PCDHA4: variants seen among roughly 807,000 people sequenced by gnomAD.
The protein encoded by PCDHA4 is protocadherin alpha 4.
PCDHA4 carries 49 observed loss-of-function variants against 61.4 expected under a neutral mutation model. That is an observed-to-expected ratio of 0.80 (90% CI 0.63 to 1.01). The LOEUF is 1.01. PCDHA4 is among the 50% of genes least tolerant of loss of function. The pLI, the probability that PCDHA4 is intolerant of heterozygous loss-of-function variation, is 0.00. For missense variants in PCDHA4, 1,254 were observed against 1,235.8 expected (o/e 1.01, Z -0.22); for synonymous variants, 590 against 550.3 (o/e 1.07, Z -1.01).
intron 1 of PCDHA4, among the ~76,000 whole-genome samples, chr5:140,888,197 C>G (rs190439070): frequency 4.6e-5 from 7 of 152,044 alleles, no homozygotes; most frequent in Non-Finnish European, 8.8e-5. Flanking sequence ...TTTACATTGT[C>G]GGATGCTGGA....
chr5:140,871,719 T>G (rs1228976923), intron 1 of PCDHA4: 1 of 783,446 alleles, frequency 1.3e-6, no homozygotes, highest in East Asian at 2.9e-5. Flanking sequence ...CCTATTTCTC[T>G]TAATATTTGG....
At chr5:140,821,800 C>A (rs2150110743) in intron 1 of PCDHA4, 25 of 1,613,116 alleles carry the variant, frequency 1.5e-5, no homozygotes, top group Non-Finnish European at 1.7e-5. Context: ...GAGAGGAAGT[C>A]TGGGATCCCG....
chr5:140,882,049 T>C, intron 1 of PCDHA4: 1 of 752,814 alleles, frequency 1.3e-6, no homozygotes, highest in Non-Finnish European at 2.1e-6. Flanking sequence ...TGAGTCATAC[T>C]TACACTTACA....
chr5:140,933,567 A>G lies in PCDHA4; in HGVS notation c.2386-45382A>G, dbSNP rs146986632. ...AATATAAAATAAAAACCAATTAAGA[A>G]GTCTTAATAGTGGGTTTTTAGGTTG... On this transcript the variant is annotated intron_variant, in intron 1 of 3. Coordinates refer to ENST00000530339, the MANE Select transcript of PCDHA4 (RefSeq NM_018907.4). Among the ~76,000 whole-genome samples the G allele has an allele frequency of 5.4e-3, 827 of 152,184 alleles. 4 individuals are homozygous for G. Among genetic ancestry groups the G allele is most frequent in the African/African-American group, 0.019 (796 of 41,566 alleles).
chr5:140,822,480 T>C, intron 1 of PCDHA4: 1 of 1,613,872 alleles, frequency 6.2e-7, no homozygotes, highest in African/African-American at 1.3e-5. Context: ...TGGATGCTAA[T>C]GATAACGCCC....
At chr5:140,876,653 C>G in intron 1 of PCDHA4, 1 of 1,614,200 alleles carries the variant, frequency 6.2e-7, no homozygotes, top group Non-Finnish European at 8.5e-7. Flanking sequence ...CCTCATGTTC[C>G]CTTCAAGCTG....
At position 140,941,191 on chromosome 5, in the gene PCDHA4, TTTTCTTTCTTCC is replaced by T. The variant is rs1293685535; in HGVS notation, c.2386-37735_2386-37724del. 2.6e-3 allele frequency among the ~76,000 whole-genome samples: 239 copies of T among 93,120 alleles called. 3 individuals are homozygous for T. Among genetic ancestry groups the T allele is most frequent in the East Asian group, 5.8e-3 (18 of 3,094 alleles). The allele number at this position is 93,120 out of a possible 152,430, so 61.1% of individuals were successfully genotyped here. ...CATCTTGAACATCCTGCTTCTTTTT[TTTTCTTTCTTCC>T]TTTCTTTCTTCCTTTCTTTCTTTCT... is the stretch of plus-strand genomic sequence containing the variant. On this transcript the variant is annotated intron_variant, in intron 1 of 3. Transcript: ENST00000530339.
intron 1 of PCDHA4, chr5:140,868,981 G>A: frequency 2.0e-6 from 3 of 1,492,274 alleles, no homozygotes; most frequent in South Asian, 2.8e-5. Flanking sequence ...CATCATACCG[G>A]ATGCCACCGT....
intron 1 of PCDHA4, among the ~76,000 whole-genome samples, chr5:140,950,689 A>G (rs1585383013): frequency 2.6e-5 from 4 of 152,212 alleles, no homozygotes; most frequent in Admixed American, 2.6e-4. Flanking sequence ...ATTGTTAACC[A>G]AATTTGACAA....
At chr5:140,882,944 G>A (rs2059374287) in intron 1 of PCDHA4, 2 of 1,614,088 alleles carry the variant, frequency 1.2e-6, no homozygotes, top group Non-Finnish European at 8.5e-7. Flanking sequence ...GACTGGCACA[G>A]TTCAGCTGCT....
At chr5:140,922,316 A>G (rs983729529) in intron 1 of PCDHA4, among the ~76,000 whole-genome samples, 5 of 152,248 alleles carry the variant, frequency 3.3e-5, no homozygotes, top group Middle Eastern at 3.2e-3. Context: ...TTCACTGAAG[A>G]TCTTGGAAAG....
chr5:140,958,997 A>C (rs1356032687), intron 1 of PCDHA4, among the ~76,000 whole-genome samples: 1 of 152,076 alleles, frequency 6.6e-6, no homozygotes, highest in African/African-American at 2.4e-5. Context: ...CTAATCTTTT[A>C]CTGTACCTAA....
At position 140,997,506 on chromosome 5, in the gene PCDHA4, T is replaced by A. The variant is rs147089901; in HGVS notation, c.2534-12121T>A. On this transcript the variant is annotated intron_variant, in intron 3 of 3. Coordinates refer to ENST00000530339, the MANE Select transcript of PCDHA4 (RefSeq NM_018907.4). ...AAGTATTTGTGTATCTCAACATACC[T>A]AAACGCAGAAAAAGTACAATAAAAA... Among the ~76,000 whole-genome samples the A allele has an allele frequency of 4.4e-3, 665 of 152,304 alleles. 5 individuals are homozygous for A. Among genetic ancestry groups the A allele is most frequent in the African/African-American group, 0.015 (619 of 41,574 alleles).
intron 2 of PCDHA4, among the ~76,000 whole-genome samples, chr5:140,979,275 C>T (rs141662665): frequency 6.6e-6 from 1 of 152,320 alleles, no homozygotes; most frequent in East Asian, 1.9e-4. Flanking sequence ...AAAATTTCTA[C>T]AGGGAAGTAA....
At chr5:140,850,112 C>A (rs2150468097) in intron 1 of PCDHA4, 1 of 1,596,024 alleles carries the variant, frequency 6.3e-7, no homozygotes, top group Non-Finnish European at 8.6e-7. Context: ...GCGCGCGCGA[C>A]GCGGGCGTGC....
intron 1 of PCDHA4, among the ~76,000 whole-genome samples, chr5:140,918,556 G>A (rs1584104800): frequency 2.0e-5 from 3 of 152,302 alleles, no homozygotes; most frequent in Non-Finnish European, 4.4e-5. Context: ...CAATTGAGAA[G>A]AATGTATATT....
At chr5:140,966,505 A>C (rs2096011889) in intron 1 of PCDHA4, 2 of 427,984 alleles carry the variant, frequency 4.7e-6, no homozygotes, top group Non-Finnish European at 8.1e-6. Context: ...CTGTAGCGGC[A>C]GCAGCAGCAG....
intron 1 of PCDHA4, chr5:140,810,407 C>A (rs1486958299): frequency 6.6e-6 from 1 of 152,276 alleles, no homozygotes; most frequent in East Asian, 1.9e-4. Flanking sequence ...GTAGCTAACA[C>A]CAACCAATTT....
intron 1 of PCDHA4, chr5:140,842,887 G>A: frequency 6.3e-7 from 1 of 1,594,194 alleles, no homozygotes; most frequent in Non-Finnish European, 8.6e-7. Context: ...CGCTGCAGCC[G>A]CTGGACCACG....
Sources: allele counts gnomAD v4.1 joint callset (sites outside exome capture counted in the v4.1 genomes callset), GRCh38; gene constraint gnomAD v4.1.1; transcripts MANE v1.5; gene names NCBI Gene and HGNC (gene_info 2026-07-23, HGNC 2026-07-21).